The following CCDC178 variants were observed in gnomAD, a reference collection of about 807,000 sequenced individuals.
The protein encoded by CCDC178 is coiled-coil domain-containing protein 178.
A neutral mutation model predicts 117.4 loss-of-function variants in CCDC178; 126 were observed. That is an observed-to-expected ratio of 1.07 (90% CI 0.93 to 1.24). CCDC178 has a LOEUF of 1.24. Among genes scored for constraint, CCDC178 ranks in the 50% most tolerant of loss-of-function variants. CCDC178 has a pLI of 0.00. For synonymous variants in CCDC178, 283 were observed against 313.4 expected (o/e 0.90, Z 1.02); for missense variants, 1,030 against 986.9 (o/e 1.04, Z -0.59).
At chr18:33,215,735 G>GT in intron 18 of CCDC178, 40 bp from the exon 19 acceptor site, 2 of 1,387,806 alleles carry the variant, frequency 1.4e-6, no homozygotes, top group Non-Finnish European at 1.9e-6. Flanking sequence ...TTAAATACTT[G>GT]GATTTTCAAA....
chr18:33,333,537 T>C (rs2062701673), intron 9 of CCDC178, 143 bp from the exon 10 acceptor site: 2 of 500,958 alleles, frequency 4.0e-6, no homozygotes, highest in Non-Finnish European at 6.6e-6. Flanking sequence ...TTTTCCGAGA[T>C]GGAGTTTCGC....
chr18:33,090,274 TA>T (rs1239544918), intron 21 of CCDC178, among the ~76,000 whole-genome samples: 4 of 152,150 alleles, frequency 2.6e-5, no homozygotes, highest in Non-Finnish European at 5.9e-5. Flanking sequence ...ATAGAGAGAA[TA>T]ATAGTCCCTA....
intron 22 of CCDC178, among the ~76,000 whole-genome samples, chr18:32,965,685 T>A (rs1598738418): frequency 6.6e-6 from 1 of 151,764 alleles, no homozygotes; most frequent in East Asian, 1.9e-4. Flanking sequence ...TATAGGATTT[T>A]AAATTTTGAG....
chr18:33,257,383 T>G (rs1395424912), intron 14 of CCDC178, among the ~76,000 whole-genome samples: 1 of 152,094 alleles, frequency 6.6e-6, no homozygotes, highest in Non-Finnish European at 1.5e-5. Context: ...GTGCCCTTAC[T>G]TTATCCAACT....
intron 5 of CCDC178, among the ~76,000 whole-genome samples, chr18:33,385,751 C>A (rs375784169): frequency 3.1e-4 from 47 of 150,604 alleles, no homozygotes; most frequent in African/African-American, 1.1e-3. Flanking sequence ...ATGCCCACAT[C>A]AAAGAAAGAT....
intron 14 of CCDC178, among the ~76,000 whole-genome samples, chr18:33,247,030 G>A (rs2059557492): frequency 6.6e-6 from 1 of 151,398 alleles, no homozygotes; most frequent in African/African-American, 2.4e-5. Flanking sequence ...GAAGATATGT[G>A]TGTAGGAGAG....
At chr18:33,073,100 T>G (rs759357170) in intron 21 of CCDC178, among the ~76,000 whole-genome samples, 1 of 151,286 alleles carries the variant, frequency 6.6e-6, no homozygotes, top group African/African-American at 2.4e-5. Flanking sequence ...CCCTTATTAA[T>G]TTTTTCTTTT....
chr18:33,405,835 T>C (rs2063772754), intron 3 of CCDC178, among the ~76,000 whole-genome samples: 1 of 152,096 alleles, frequency 6.6e-6, no homozygotes, highest in Non-Finnish European at 1.5e-5. Context: ...TATGTACTTA[T>C]GCTCTGACAA....
intron 20 of CCDC178, among the ~76,000 whole-genome samples, chr18:33,148,818 T>C (rs1598933521): frequency 6.6e-6 from 1 of 152,302 alleles, no homozygotes; most frequent in East Asian, 1.9e-4. Context: ...TGTTGGGGCA[T>C]GTCACAATAA....
At chr18:33,301,803 T>C (rs1237637964) in intron 11 of CCDC178, among the ~76,000 whole-genome samples, 2 of 152,286 alleles carry the variant, frequency 1.3e-5, no homozygotes, top group African/African-American at 4.8e-5. Flanking sequence ...TTGCTTTGAT[T>C]TTATAGGCTC....
At chr18:33,187,086 GGAGAGAGAGA>G (rs58400297) in intron 20 of CCDC178, among the ~76,000 whole-genome samples, 37 of 140,098 alleles carry the variant, frequency 2.6e-4, no homozygotes, top group East Asian at 1.5e-3. Flanking sequence ...CATGGCGGCA[GGAGAGAGAGA>G]GAGAGAGAGA....
chr18:33,025,342 G>A (rs997124186), intron 21 of CCDC178, among the ~76,000 whole-genome samples: 34 of 152,236 alleles, frequency 2.2e-4, no homozygotes, highest in African/African-American at 7.9e-4. Context: ...GGTAGGTAAA[G>A]GGTTCTTAGA....
intron 21 of CCDC178, among the ~76,000 whole-genome samples, chr18:33,050,305 T>G (rs1231649176): frequency 2.0e-5 from 3 of 152,220 alleles, no homozygotes; most frequent in Non-Finnish European, 4.4e-5. Context: ...GGCAAAATGC[T>G]GCTAAACATT....
intron 20 of CCDC178, among the ~76,000 whole-genome samples, chr18:33,155,572 A>G (rs2058384182): frequency 6.6e-6 from 1 of 152,218 alleles, no homozygotes; most frequent in Non-Finnish European, 1.5e-5. Context: ...GGTCTAATTT[A>G]AAATGAGAAA....
At chr18:33,066,439 C>T (rs1194216508) in intron 21 of CCDC178, among the ~76,000 whole-genome samples, 1 of 152,116 alleles carries the variant, frequency 6.6e-6, no homozygotes, top group African/African-American at 2.4e-5. Flanking sequence ...AGATATATAA[C>T]ACAGTGATAA....
chr18:33,324,428 A>G (rs954898955), intron 10 of CCDC178, among the ~76,000 whole-genome samples: 1 of 151,930 alleles, frequency 6.6e-6, no homozygotes, highest in Non-Finnish European at 1.5e-5. Flanking sequence ...ACGTACTGTT[A>G]AAACAGAATT....
intron 20 of CCDC178, among the ~76,000 whole-genome samples, chr18:33,193,709 T>A (rs568859438): frequency 6.6e-6 from 1 of 152,332 alleles, no homozygotes; most frequent in South Asian, 2.1e-4. Context: ...ATTGAAAAAC[T>A]GTTATAGTAA....
intron 22 of CCDC178, among the ~76,000 whole-genome samples, chr18:32,950,939 T>C (rs1477072760): frequency 6.6e-6 from 1 of 152,198 alleles, no homozygotes; most frequent in African/African-American, 2.4e-5. Flanking sequence ...TATGCTGATG[T>C]CTTCTAACAT....
chr18:33,118,060 A>G (rs1054667393), intron 20 of CCDC178, among the ~76,000 whole-genome samples: 1 of 152,106 alleles, frequency 6.6e-6, no homozygotes, highest in Non-Finnish European at 1.5e-5. Flanking sequence ...ATCATTTGGC[A>G]CAGCATTTTT....
Sources: allele counts gnomAD v4.1 joint callset (sites outside exome capture counted in the v4.1 genomes callset), GRCh38; gene constraint gnomAD v4.1.1; transcripts MANE v1.5; gene names NCBI Gene and HGNC (gene_info 2026-07-23, HGNC 2026-07-21).